Variants in IL1RAPL1 observed in about 807,000 individuals in gnomAD.
IL1RAPL1 encodes interleukin 1 receptor accessory protein like 1, also known as interleukin-1 receptor accessory protein-like 1.
Under a neutral mutation model 48.4 loss-of-function variants are expected in IL1RAPL1, and 3 were observed. The ratio of observed to expected loss-of-function variants is 0.06; its 90% CI spans 0.03 to 0.16. The LOEUF (loss-of-function observed/expected upper bound fraction) is 0.16, where lower values mean the gene tolerates loss of function less well. IL1RAPL1 is among the 10% of genes least tolerant of loss of function. The pLI is 1.00. For missense variants in IL1RAPL1, 349 were observed against 530.6 expected, an observed-to-expected ratio of 0.66 and a Z score of 3.36; for synonymous variants, 185 against 187.7, an observed-to-expected ratio of 0.99 and a Z score of 0.12.
chrX:29,402,467 C>A (rs1663857962), intron 5 of IL1RAPL1, among the ~76,000 whole-genome samples: 1 of 111,807 alleles, frequency 8.9e-6, no homozygotes, highest in Non-Finnish European at 1.9e-5. Context: ...AACTTAGAGT[C>A]AAGGGCAATG....
intron 2 of IL1RAPL1, among the ~76,000 whole-genome samples, chrX:29,119,198 C>G (rs1458545006): frequency 1.8e-5 from 2 of 109,993 alleles, no homozygotes; most frequent in Non-Finnish European, 3.8e-5. Context: ...TAAAATGTAC[C>G]CTTAAACATG....
intron 5 of IL1RAPL1, among the ~76,000 whole-genome samples, chrX:29,479,414 C>CAAAAAAAAAAAAAAAAAAAAAAAAAA (rs3069570): frequency 4.0e-4 from 17 of 42,467 alleles, no homozygotes; most frequent in East Asian, 1.0e-3. Context: ...GACCCTGTCT[C>CAAAAAAAAAAAAAAAAAAAAAAAAAA]AAAAAAAAAA....
At chrX:28,625,442 G>A (rs1288582792) in intron 1 of IL1RAPL1, among the ~76,000 whole-genome samples, 1 of 111,976 alleles carries the variant, frequency 8.9e-6, no homozygotes, top group Admixed American at 9.5e-5. Context: ...AAGGCAGAAG[G>A]CCTCCTGCTC....
At chrX:29,610,042 T>C (rs1030543802) in intron 5 of IL1RAPL1, among the ~76,000 whole-genome samples, 3 of 111,542 alleles carry the variant, frequency 2.7e-5, no homozygotes, top group African/African-American at 9.8e-5. Flanking sequence ...TGAGGGGGAG[T>C]GGGTCTGATG....
chrX:29,611,431 A>C (rs1485956685), intron 5 of IL1RAPL1, among the ~76,000 whole-genome samples: 4 of 111,684 alleles, frequency 3.6e-5, no homozygotes. Flanking sequence ...CCCTGCTTTG[A>C]GTTGTGCCAC....
At chrX:28,762,778 ACG>A (rs200447527) in intron 1 of IL1RAPL1, among the ~76,000 whole-genome samples, 9 of 80,108 alleles carry the variant, frequency 1.1e-4, no homozygotes, top group Admixed American at 4.3e-4. Context: ...TCTAATACGC[ACG>A]CGCGCGCACA....
Position 28,873,511 on chromosome X carries a change from T to TTTTC in IL1RAPL1, c.82+84098_82+84101dup, listed in dbSNP as rs1245409379. On this transcript the variant is annotated intron_variant, in intron 2 of 10. Transcript: ENST00000378993. ...AGCACATCTTTGTTCTCAATTATTG[T>TTTTC]TTTCTTTCTTTCTTTTTTTTTTTTT... Among the ~76,000 whole-genome samples the TTTTC allele has an allele frequency of 1.3e-4, 13 of 97,249 alleles. 1 individual carries two copies. The highest frequency in any genetic ancestry group is 1.8e-4 in the Non-Finnish European group (9 of 50,633). The allele number at this position is 97,249 out of a possible 115,157, so 84.4% of individuals were successfully genotyped here.
At chrX:29,855,852 T>C (rs1931467719) in intron 6 of IL1RAPL1, among the ~76,000 whole-genome samples, 1 of 111,237 alleles carries the variant, frequency 9.0e-6, no homozygotes, top group South Asian at 3.8e-4. Context: ...CTGTCTCATG[T>C]TAACTGCTCA....
intron 3 of IL1RAPL1, among the ~76,000 whole-genome samples, chrX:29,330,288 C>G (rs1932874113): frequency 8.9e-6 from 1 of 112,211 alleles, no homozygotes; most frequent in African/African-American, 3.2e-5. Context: ...CATGGTCACT[C>G]TACCTCATAG....
intron 2 of IL1RAPL1, among the ~76,000 whole-genome samples, chrX:28,837,617 C>T (rs925337907): frequency 1.9e-5 from 2 of 103,995 alleles, no homozygotes; most frequent in African/African-American, 7.1e-5. Flanking sequence ...GGAGAGGCTT[C>T]TGGATCATGA....
chrX:29,396,109 A>C (rs1329277368), intron 3 of IL1RAPL1, 149 bp from the exon 4 acceptor site: 1 of 477,685 alleles, frequency 2.1e-6, no homozygotes, highest in East Asian at 3.7e-5. Context: ...GGGTAGCAAG[A>C]GAGAACCCTG....
intron 1 of IL1RAPL1, among the ~76,000 whole-genome samples, chrX:28,622,395 G>A (rs1263312564): frequency 9.0e-6 from 1 of 111,564 alleles, no homozygotes; most frequent in Non-Finnish European, 1.9e-5. Flanking sequence ...GATTAAACTT[G>A]TAGCACATTT....
At chrX:29,516,066 A>G (rs749922052) in intron 5 of IL1RAPL1, among the ~76,000 whole-genome samples, 1 of 111,910 alleles carries the variant, frequency 8.9e-6, no homozygotes, top group African/African-American at 3.3e-5. Context: ...AATTGATTTT[A>G]GTTGTTTCAG....
At chrX:28,963,422 A>G (rs749409298) in intron 2 of IL1RAPL1, among the ~76,000 whole-genome samples, 26 of 111,393 alleles carry the variant, frequency 2.3e-4, no homozygotes, top group South Asian at 2.2e-3. Flanking sequence ...TTATGAATCA[A>G]TTGCATGTTT....
intron 1 of IL1RAPL1, among the ~76,000 whole-genome samples, chrX:28,741,520 A>G (rs1266893450): frequency 8.9e-6 from 1 of 111,979 alleles, no homozygotes; most frequent in Non-Finnish European, 1.9e-5. Flanking sequence ...ATAGACCTTC[A>G]AGTAATTTTC....
chrX:28,745,005 A>G (rs1165847382), intron 1 of IL1RAPL1, among the ~76,000 whole-genome samples: 3 of 111,577 alleles, frequency 2.7e-5, no homozygotes, highest in Non-Finnish European at 5.6e-5. Flanking sequence ...CACCTTTCGT[A>G]AATATACCCA....
chrX:29,849,933 C>T (rs1232873545), intron 6 of IL1RAPL1, among the ~76,000 whole-genome samples: 1 of 111,850 alleles, frequency 8.9e-6, no homozygotes, highest in African/African-American at 3.2e-5. Flanking sequence ...AGGGTGTCCT[C>T]AGAGTATTAC....
chrX:29,440,465 G>T (rs758320188), intron 5 of IL1RAPL1, among the ~76,000 whole-genome samples: 1 of 111,546 alleles, frequency 9.0e-6, no homozygotes, highest in Non-Finnish European at 1.9e-5. Flanking sequence ...AGACTATTGA[G>T]CACAGAAGGA....
intron 2 of IL1RAPL1, among the ~76,000 whole-genome samples, chrX:29,214,964 C>T (rs1431188483): frequency 1.8e-5 from 2 of 111,941 alleles, no homozygotes; most frequent in Middle Eastern, 4.7e-3. Context: ...TGCAATTTGA[C>T]TAAGCAACAA....
Sources: gnomAD v4.1 joint callset for allele counts (sites outside exome capture counted in the v4.1 genomes callset) on GRCh38, gnomAD v4.1.1 for gene constraint, MANE v1.5 for transcripts, NCBI Gene and HGNC (gene_info 2026-07-23, HGNC 2026-07-21) for gene names.